PLS3: variants seen among roughly 807,000 people sequenced by gnomAD.
PLS3 encodes plastin 3, also known as plastin-3.
A neutral mutation model predicts 46.5 loss-of-function variants in PLS3; 11 were observed. That is an observed-to-expected ratio of 0.24 (90% CI 0.15 to 0.39). The LOEUF (loss-of-function observed/expected upper bound fraction) is 0.39, where lower values mean the gene tolerates loss of function less well. Ranked by LOEUF, PLS3 falls within the 10% of genes least tolerant of loss-of-function variation. PLS3 has a pLI of 1.00. For synonymous variants in PLS3, 167 were observed against 162.2 expected, an observed-to-expected ratio of 1.03 and a Z score of -0.22; for missense variants, 308 against 461.8, an observed-to-expected ratio of 0.67 and a Z score of 3.05.
chrX:115,637,020 A>G (rs781882848), intron 8 of PLS3, 42 bp downstream of exon 8: 14 of 1,140,550 alleles, frequency 1.2e-5, no homozygotes, highest in Non-Finnish European at 1.7e-5. Context: ...GGGATATAAT[A>G]GCTGGAAGAT....
intron 5 of PLS3, among the ~76,000 whole-genome samples, chrX:115,633,293 C>G (rs1186498376): frequency 7.3e-5 from 8 of 109,179 alleles, no homozygotes; most frequent in Non-Finnish European, 1.1e-4. Flanking sequence ...GCCGCAGTCT[C>G]CCGACTAGCT....
rs782119694 is a variant in PLS3, at chrX:115,600,493, G to GTT, written c.-8-9748_-8-9747dup. Among the ~76,000 whole-genome samples, 25 of 111,885 alleles carry GTT rather than the reference G, an allele frequency of 2.2e-4. 1 individual carries two copies. The South Asian group carries it at 9.4e-3, about 42-fold the overall frequency. On this transcript the variant is annotated intron_variant, in intron 1 of 15. Transcript: ENST00000355899. ...TCCAGCAATGAGAGTAAAAGGTGAA[G>GTT]TTTAGACTGTTCTCCAGAAACAAAC...
chrX:115,606,843 AT>A (rs2074498335), intron 1 of PLS3, among the ~76,000 whole-genome samples: 1 of 111,307 alleles, frequency 9.0e-6, no homozygotes, highest in African/African-American at 3.3e-5. Flanking sequence ...TTAAAAAAAA[AT>A]TTTTTTGGAG....
rs112495160 is a variant in PLS3 at position 115,634,666 on chromosome X, A to G, written c.583-215A>G. Among the ~76,000 whole-genome samples, 1,830 of 112,402 alleles carry G rather than the reference A, an allele frequency of 0.016. 38 individuals are homozygous for G. Among genetic ancestry groups the G allele is most frequent in the African/African-American group, 0.056 (1,740 of 30,944 alleles). On this transcript the variant is annotated intron_variant, in intron 6 of 15. Transcript: ENST00000355899. ...AAATACAAAGTTAACTTCTCATGAG[A>G]TTCTGCAAAAGGCAATAGCAATAAG...
chrX:115,566,711 G>A (rs1180369832), intron 1 of PLS3, among the ~76,000 whole-genome samples: 4 of 103,359 alleles, frequency 3.9e-5, no homozygotes, highest in Non-Finnish European at 7.8e-5. Context: ...ATGGAGTCTC[G>A]CTCTGTCGCC....
chrX:115,609,205 T>C (rs191312920), intron 1 of PLS3, among the ~76,000 whole-genome samples: 311 of 111,544 alleles, frequency 2.8e-3, no homozygotes, highest in Non-Finnish European at 4.6e-3. Context: ...ATTATTGTTA[T>C]AATAGGTTTG....
chrX:115,598,777 C>T (rs936802224), intron 1 of PLS3, among the ~76,000 whole-genome samples: 1 of 111,599 alleles, frequency 9.0e-6, no homozygotes, highest in Non-Finnish European at 1.9e-5. Flanking sequence ...GAAGCAGAAG[C>T]CTGTCATATG....
intron 5 of PLS3, among the ~76,000 whole-genome samples, chrX:115,630,952 TAAA>T (rs1291634179): frequency 1.3e-4 from 13 of 96,755 alleles, no homozygotes; most frequent in African/African-American, 4.9e-4. Flanking sequence ...ATAATATATA[TAAA>T]ATATATATTA....
intron 4 of PLS3, 88 bp downstream of exon 4, chrX:115,629,415 C>A: frequency 1.3e-6 from 1 of 787,278 alleles, no homozygotes; most frequent in Non-Finnish European, 1.8e-6. Flanking sequence ...AAAAACATTA[C>A]CTTCTAATTA....
At chrX:115,619,657 C>T (rs892976396) in intron 2 of PLS3, among the ~76,000 whole-genome samples, 1 of 112,699 alleles carries the variant, frequency 8.9e-6, no homozygotes, top group Admixed American at 9.4e-5. Flanking sequence ...CAAAGGAAAT[C>T]TAAGTGATTT....
chrX:115,566,591 G>T (rs1234287784), intron 1 of PLS3, among the ~76,000 whole-genome samples: 1 of 110,589 alleles, frequency 9.0e-6, no homozygotes, highest in African/African-American at 3.3e-5. Context: ...GGGTTTCACC[G>T]TGGTCTCGAT....
chrX:115,573,656 G>T (rs1355958444), intron 1 of PLS3, among the ~76,000 whole-genome samples: 1 of 111,797 alleles, frequency 8.9e-6, no homozygotes, highest in Non-Finnish European at 1.9e-5. Context: ...AGCAACTACA[G>T]GTATAGCTGA....
At chrX:115,590,641 G>A (rs1457770139) in intron 1 of PLS3, among the ~76,000 whole-genome samples, 6 of 110,867 alleles carry the variant, frequency 5.4e-5, no homozygotes, top group African/African-American at 2.0e-4. Context: ...CCAACATGGT[G>A]AAAACCCGTC....
At chrX:115,636,717 A>C in intron 7 of PLS3, 119 bp from the exon 8 acceptor site, 2 of 526,504 alleles carry the variant, frequency 3.8e-6, no homozygotes, top group Non-Finnish European at 3.1e-6. Context: ...GAAACTAGGA[A>C]CTATGTCATA....
At chrX:115,614,303 A>G (rs1306973369) in intron 2 of PLS3, 4 of 751,164 alleles carry the variant, frequency 5.3e-6, no homozygotes, top group Non-Finnish European at 6.3e-6. Context: ...GAGTTGCAGC[A>G]GGGGAAAAAT....
At position 115,629,303 on chromosome X, in the gene PLS3, G is replaced by A. The variant is rs1556638915; in HGVS notation, c.343G>A (p.Glu115Lys). The A allele has an allele frequency of 8.3e-7, 1 of 1,204,540 alleles. No homozygotes were observed. The highest frequency in any genetic ancestry group is 2.2e-5 in the Admixed American group (1 of 45,409). Residue 115 changes from glutamate to lysine, a missense_variant, in exon 4 of 16, where the codon GAA becomes AAA. Around this residue, in one of 2 missense-constraint regions of PLS3, gnomAD observed 271 missense variants for 435.7 expected, o/e 0.62. Transcript: ENST00000355899. ...GGGTGGAACTTCAGAGTTGTCCAGCGAAGGAACACAGCATTCTTACTCAGG... is the reference window on the plus strand; with the variant it reads ...GGGTGGAACTTCAGAGTTGTCCAGCAAAGGAACACAGCATTCTTACTCAGG... ...ALGGTSELSS[E>K]GTQHSYSEEE...
chrX:115,618,436 G>C (rs782606279), intron 2 of PLS3, among the ~76,000 whole-genome samples: 1 of 110,194 alleles, frequency 9.1e-6, no homozygotes, highest in Non-Finnish European at 1.9e-5. Context: ...GAAACAAAAA[G>C]TTAGCTGGGC....
At chrX:115,642,625 A>G (rs12833921) in intron 9 of PLS3, among the ~76,000 whole-genome samples, 8 of 111,566 alleles carry the variant, frequency 7.2e-5, no homozygotes, top group African/African-American at 2.6e-4. Flanking sequence ...GACTTAATGC[A>G]CAGTACCCAG....
In PLS3 at chrX:115,601,269, T is replaced by A. The variant is rs375709914; in HGVS notation, c.-8-8974T>A. On this transcript the variant is annotated intron_variant, in intron 1 of 15. Coordinates refer to ENST00000355899, the MANE Select transcript of PLS3 (RefSeq NM_005032.7). ...AGGGTGTAGTACATATAATGGGAAG[T>A]AGCATTGGAAAGATGGGCAGACATA... Among the ~76,000 whole-genome samples the A allele has an allele frequency of 3.7e-5, 4 of 109,571 alleles. No individual in the cohort carries two copies. In the East Asian group the frequency reaches 1.2e-3, roughly 32 times the overall value.
Sources: allele counts gnomAD v4.1 joint callset (sites outside exome capture counted in the v4.1 genomes callset), GRCh38; gene constraint gnomAD v4.1.1; regional missense constraint gnomAD v4.1.1; transcripts MANE v1.5; gene names NCBI Gene and HGNC (gene_info 2026-07-23, HGNC 2026-07-21).